The following TMEM244 variants were observed in gnomAD, a reference collection of about 807,000 sequenced individuals.
TMEM244 encodes the protein putative transmembrane protein 244.
In TMEM244, 13 loss-of-function variants were observed where a neutral mutation model predicts 15.8. That is an observed-to-expected ratio of 0.82 (90% CI 0.53 to 1.30). The LOEUF is 1.30. TMEM244 is among the 50% of genes most tolerant of loss of function. The probability of loss-of-function intolerance (pLI) is 0.00; values close to 1 mark genes in which losing one functional copy is unlikely to be tolerated. For synonymous variants in TMEM244, 45 were observed against 48.7 expected, an observed-to-expected ratio of 0.92 and a Z score of 0.32; for missense variants, 161 against 144.9, an observed-to-expected ratio of 1.11 and a Z score of -0.57.
chr6:129,848,606 G>C (rs1467456211), intron 1 of TMEM244, among the ~76,000 whole-genome samples: 5 of 152,116 alleles, frequency 3.3e-5, no homozygotes, highest in African/African-American at 4.8e-5. Flanking sequence ...AAAATGTAGA[G>C]GTGTTGCCTG....
intron 1 of TMEM244, among the ~76,000 whole-genome samples, chr6:129,854,164 C>G (rs1326568243): frequency 1.3e-5 from 2 of 152,090 alleles, no homozygotes; most frequent in East Asian, 3.9e-4. Flanking sequence ...ATTTGGCTCC[C>G]TAATATATGT....
chr6:129,831,894 C>A (rs1311952218), intron 4 of TMEM244, among the ~76,000 whole-genome samples: 2 of 152,084 alleles, frequency 1.3e-5, no homozygotes, highest in Non-Finnish European at 2.9e-5. Context: ...AAATTAAGCC[C>A]CAAAGTAAAA....
chr6:129,861,174 G>A lies in TMEM244; in HGVS notation c.15C>T (p.Val5=). MALQ[V]RVAPSKVVLQ... ...TCTTTACCTTGCTTGGAGCAACTCT[G>A]ACCTGGAGAGCCATGTACACATCCT... The change falls in exon 1 of 5, where the codon GTC becomes GTT. Residue 5 remains valine, a synonymous_variant. Transcript: ENST00000368143. 1 of 1,613,810 alleles carries A rather than the reference G, an allele frequency of 6.2e-7. No homozygotes were observed. The highest frequency in any genetic ancestry group is 1.1e-5 in the South Asian group (1 of 91,070).
chr6:129,861,033 T>C (rs989199636), intron 1 of TMEM244, 123 bp downstream of exon 1: 1 of 1,033,620 alleles, frequency 9.7e-7, no homozygotes, highest in African/African-American at 1.6e-5. Context: ...GTTTTCTGTA[T>C]GGTACCCAGC....
chr6:129,845,826 A>T lies in TMEM244; in HGVS notation c.60T>A (p.Cys20Ter), dbSNP rs1776553959. The change falls in exon 2 of 5, where the codon TGT becomes TGA. Residue 20 changes from cysteine to a stop codon, truncating the protein, a stop_gained. Coordinates refer to ENST00000368143, the MANE Select transcript of TMEM244 (RefSeq NM_001010876.2). LOFTEE classifies it high-confidence loss of function. ...SKVVLQKFLL[C>*]VILFYTVYYV... ...AGTACACAGTGTAGAAAAGAATGAC[A>T]CATAGAAGAAACTTCTGCAAAACAA... 1 of 1,613,186 alleles carries T rather than the reference A, an allele frequency of 6.2e-7. No individual in the cohort carries two copies. Among genetic ancestry groups the T allele is most frequent in the East Asian group, 2.2e-5 (1 of 44,812 alleles).
At chr6:129,860,134 TG>T (rs1331726377) in intron 1 of TMEM244, among the ~76,000 whole-genome samples, 5 of 147,116 alleles carry the variant, frequency 3.4e-5, no homozygotes, top group Non-Finnish European at 7.5e-5. Flanking sequence ...TGTGTGTGTG[TG>T]TGTGTGTGTG....
chr6:129,843,914 A>G (rs575852302), intron 2 of TMEM244, among the ~76,000 whole-genome samples: 1 of 152,352 alleles, frequency 6.6e-6, no homozygotes, highest in East Asian at 1.9e-4. Flanking sequence ...GGCAACGTCT[A>G]GTTACGAAAT....
chr6:129,850,382 G>A (rs1405008928), intron 1 of TMEM244, among the ~76,000 whole-genome samples: 1 of 152,204 alleles, frequency 6.6e-6, no homozygotes, highest in Admixed American at 6.5e-5. Context: ...GGTCGGGAAA[G>A]TATTTAAATG....
chr6:129,835,826 C>T (rs1176222912), intron 3 of TMEM244, among the ~76,000 whole-genome samples: 1 of 151,850 alleles, frequency 6.6e-6, no homozygotes, highest in East Asian at 1.9e-4. Context: ...TGAGATAGAC[C>T]TGCGACGCTG....
chr6:129,857,341 C>CACAT (rs1554208348), intron 1 of TMEM244, among the ~76,000 whole-genome samples: 33 of 150,266 alleles, frequency 2.2e-4, no homozygotes, highest in South Asian at 1.1e-3. Context: ...CACACACACA[C>CACAT]ATATATATAT....
chr6:129,840,854 C>G (rs530637436), intron 3 of TMEM244, among the ~76,000 whole-genome samples: 77 of 152,284 alleles, frequency 5.1e-4, no homozygotes, highest in African/African-American at 1.7e-3. Flanking sequence ...CAGAGAAATG[C>G]AAATCAAAAC....
chr6:129,832,156 G>T (rs909267408), intron 4 of TMEM244, among the ~76,000 whole-genome samples: 1 of 130,338 alleles, frequency 7.7e-6, no homozygotes, highest in Non-Finnish European at 1.6e-5. Context: ...GGAGTGCAAT[G>T]GTGTGATCTC....
intron 2 of TMEM244, among the ~76,000 whole-genome samples, 163 bp downstream of exon 2, chr6:129,845,604 C>A (rs114762641): frequency 1.1e-3 from 174 of 152,252 alleles, no homozygotes; most frequent in African/African-American, 3.6e-3. Flanking sequence ...CATAGCAAGA[C>A]CTTGTCTCTA....
intron 3 of TMEM244, among the ~76,000 whole-genome samples, chr6:129,842,641 T>A (rs17058065): frequency 2.0e-5 from 3 of 151,972 alleles, no homozygotes; most frequent in Non-Finnish European, 2.9e-5. Flanking sequence ...AAAACAAGAA[T>A]AGGGAAAAAC....
chr6:129,841,438 G>A (rs1443957114), intron 3 of TMEM244, among the ~76,000 whole-genome samples: 4 of 150,618 alleles, frequency 2.7e-5, no homozygotes, highest in South Asian at 2.1e-4. Flanking sequence ...GGGGGCTGGG[G>A]GTGGATAGCA....
At chr6:129,835,720 T>C (rs1048411655) in intron 3 of TMEM244, among the ~76,000 whole-genome samples, 2 of 152,130 alleles carry the variant, frequency 1.3e-5, no homozygotes, top group East Asian at 1.9e-4. Flanking sequence ...ACTATTCCCA[T>C]AGTCTTAGCA....
At chr6:129,852,210 AC>A (rs1401387954) in intron 1 of TMEM244, among the ~76,000 whole-genome samples, 1 of 152,158 alleles carries the variant, frequency 6.6e-6, no homozygotes, top group Non-Finnish European at 1.5e-5. Flanking sequence ...GCATATGTTT[AC>A]TTTTTTGGTA....
chr6:129,845,903 T>C lies in TMEM244; in HGVS notation c.34-51A>G, dbSNP rs537840448. 6 of 1,228,744 alleles carry C rather than the reference T, an allele frequency of 4.9e-6. No homozygotes were observed. In the East Asian group the frequency reaches 1.2e-4, roughly 24 times the overall value. The allele number at this position is 1,228,744 out of a possible 1,614,324, so 76.1% of individuals were successfully genotyped here. A position where few individuals can be genotyped will look rare whatever the true frequency, so the allele number is the denominator to read the frequency against. Reference sequence around the variant, plus strand: ...CAAGAGCCTGGGATTTTTCACATGGTCTTTGGTAACTATTTTGACAAAAGA... The same window carrying C: ...CAAGAGCCTGGGATTTTTCACATGGCCTTTGGTAACTATTTTGACAAAAGA... On this transcript the variant is annotated intron_variant, in intron 1 of 4. Transcript: ENST00000368143.
Position 129,861,248 on chromosome 6 carries a change from G to A in TMEM244, c.-60C>T. On this transcript the variant is annotated 5_prime_UTR_variant, in exon 1 of 5. Transcript: ENST00000368143. Reference sequence around the variant, plus strand: ...CCACTCCTTATAGCGATGACATCTGGAAGAAGACACAATTGTCACCGTGAG... The same window carrying A: ...CCACTCCTTATAGCGATGACATCTGAAAGAAGACACAATTGTCACCGTGAG... The A allele has an allele frequency of 6.3e-7, 1 of 1,585,166 alleles. No homozygotes were observed. Among genetic ancestry groups the A allele is most frequent in the Admixed American group, 1.7e-5 (1 of 59,046 alleles).
Sources: gnomAD v4.1 joint callset for allele counts (sites outside exome capture counted in the v4.1 genomes callset) on GRCh38, gnomAD v4.1.1 for gene constraint, MANE v1.5 for transcripts, NCBI Gene and HGNC (gene_info 2026-07-23, HGNC 2026-07-21) for gene names.